ATP9B: variants seen among roughly 807,000 people sequenced by gnomAD.
ATP9B encodes the protein probable phospholipid-transporting ATPase IIB.
A neutral mutation model predicts 146.1 loss-of-function variants in ATP9B; 110 were observed. The ratio of observed to expected loss-of-function variants is 0.75; its 90% CI spans 0.65 to 0.88. ATP9B has a LOEUF of 0.88. Ranked by LOEUF, ATP9B falls within the 40% of genes least tolerant of loss-of-function variation. ATP9B has a pLI of 0.00. For missense variants in ATP9B, 1,499 were observed against 1,496.4 expected (o/e 1.00, Z -0.03); for synonymous variants, 604 against 569.7 (o/e 1.06, Z -0.86).
intron 8 of ATP9B, among the ~76,000 whole-genome samples, chr18:79,181,203 A>C (rs944786459): frequency 2.0e-5 from 3 of 152,142 alleles, no homozygotes. Context: ...CATAGTCCTG[A>C]AAAGATGCTT....
chr18:79,083,562 T>C (rs572982022), intron 1 of ATP9B, among the ~76,000 whole-genome samples: 2 of 152,294 alleles, frequency 1.3e-5, no homozygotes, highest in African/African-American at 2.4e-5. Flanking sequence ...TCTCCTGGTC[T>C]GCGGATTGCG....
intron 12 of ATP9B, among the ~76,000 whole-genome samples, chr18:79,273,869 CT>C (rs1474538614): frequency 2.6e-5 from 4 of 152,172 alleles, no homozygotes; most frequent in Non-Finnish European, 5.9e-5. Context: ...TTTACGAATG[CT>C]TTCTTCCTGT....
chr18:79,233,610 C>T (rs889166429), intron 11 of ATP9B, among the ~76,000 whole-genome samples: 1 of 152,158 alleles, frequency 6.6e-6, no homozygotes, highest in Non-Finnish European at 1.5e-5. Context: ...GCCACCCTCA[C>T]GAGAGGTGGG....
chr18:79,145,330 CAG>C (rs1418732594), intron 6 of ATP9B: 1 of 110,664 alleles, frequency 9.0e-6, no homozygotes, highest in African/African-American at 4.8e-5. Context: ...TGGCGGTGTG[CAG>C]AGTGACTGAA....
intron 7 of ATP9B, among the ~76,000 whole-genome samples, chr18:79,165,813 C>A (rs1373064854): frequency 6.6e-6 from 1 of 152,176 alleles, no homozygotes; most frequent in African/African-American, 2.4e-5. Flanking sequence ...TTTCCCCAGA[C>A]TCATGTTGCC....
intron 6 of ATP9B, among the ~76,000 whole-genome samples, chr18:79,153,625 A>G (rs900865773): frequency 6.6e-6 from 1 of 151,060 alleles, no homozygotes; most frequent in African/African-American, 2.4e-5. Context: ...AGAAATGGCA[A>G]TATTTAACGT....
intron 1 of ATP9B, among the ~76,000 whole-genome samples, chr18:79,079,786 C>A (rs1381276566): frequency 6.6e-6 from 1 of 152,132 alleles, no homozygotes; most frequent in African/African-American, 2.4e-5. Context: ...TTAGGTCTTA[C>A]GTTTACGTCT....
chr18:79,279,084 G>A (rs981046771), intron 13 of ATP9B, among the ~76,000 whole-genome samples: 1 of 152,160 alleles, frequency 6.6e-6, no homozygotes, highest in Non-Finnish European at 1.5e-5. Context: ...GGGGTGGCAC[G>A]GGAAGCCATC....
intron 4 of ATP9B, among the ~76,000 whole-genome samples, chr18:79,118,643 G>T (rs1026161184): frequency 1.3e-5 from 2 of 151,598 alleles, no homozygotes; most frequent in African/African-American, 4.8e-5. Flanking sequence ...CTCGTGATCC[G>T]TCCGCCTCAG....
chr18:79,301,238 T>C (rs964718821), intron 13 of ATP9B, among the ~76,000 whole-genome samples: 2 of 152,222 alleles, frequency 1.3e-5, no homozygotes, highest in Admixed American at 6.5e-5. Context: ...ACACCTGTTA[T>C]CCCAGCACTT....
rs2096320714 is a variant in ATP9B, at chr18:79,277,215, G to A, written c.1411+19G>A. 14 of 1,613,616 alleles carry A rather than the reference G, an allele frequency of 8.7e-6. No individual in the cohort carries two copies. The highest frequency in any genetic ancestry group is 1.2e-5 in the Non-Finnish European group (14 of 1,179,650). ...AAAACAGGTACTGTTCGTGGTCTGTGTTCACCTTTGAATGGACAAAATGAC... is the reference window on the plus strand; with the variant it reads ...AAAACAGGTACTGTTCGTGGTCTGTATTCACCTTTGAATGGACAAAATGAC... On this transcript the variant is annotated intron_variant, in intron 13 of 29. Transcript: ENST00000426216.
intron 7 of ATP9B, among the ~76,000 whole-genome samples, chr18:79,163,438 T>A (rs1350202417): frequency 1.3e-5 from 2 of 152,210 alleles, no homozygotes; most frequent in Non-Finnish European, 2.9e-5. Flanking sequence ...CTTGTTTTTT[T>A]CTTTATGTAA....
At chr18:79,117,587 A>G (rs1371062677) in intron 4 of ATP9B, 1 of 152,174 alleles carries the variant, frequency 6.6e-6, no homozygotes, top group African/African-American at 2.4e-5. Context: ...GTGGGTGGGA[A>G]GAAGTAGTTG....
At chr18:79,256,260 T>TATAC (rs1227308658) in intron 12 of ATP9B, among the ~76,000 whole-genome samples, 1 of 52,472 alleles carries the variant, frequency 1.9e-5, no homozygotes, top group African/African-American at 4.7e-5. Context: ...TAGCTAGCTA[T>TATAC]ATATATATAT....
chr18:79,276,583 G>A (rs563373621), intron 12 of ATP9B, among the ~76,000 whole-genome samples: 1 of 152,304 alleles, frequency 6.6e-6, no homozygotes, highest in East Asian at 1.9e-4. Flanking sequence ...TGTGTGCCCT[G>A]TCCTGTAAGC....
intron 11 of ATP9B, among the ~76,000 whole-genome samples, chr18:79,221,280 G>C (rs2095674294): frequency 6.6e-6 from 1 of 152,064 alleles, no homozygotes; most frequent in Non-Finnish European, 1.5e-5. Context: ...GAGGCTTCAT[G>C]TCCTCCTGCA....
intron 11 of ATP9B, among the ~76,000 whole-genome samples, chr18:79,233,993 T>TGAG (rs1568459293): frequency 2.0e-5 from 3 of 152,126 alleles, no homozygotes; most frequent in African/African-American, 4.8e-5. Context: ...TTGAGTAGGC[T>TGAG]GAGGAGGAGG....
At chr18:79,376,212 C>CACAAAA in intron 29 of ATP9B, 2 of 839,670 alleles carry the variant, frequency 2.4e-6, no homozygotes, top group South Asian at 5.6e-5. Flanking sequence ...CACACACACA[C>CACAAAA]ACAAAACAAA....
intron 25 of ATP9B, among the ~76,000 whole-genome samples, chr18:79,348,747 G>A (rs1308833025): frequency 6.6e-6 from 1 of 152,256 alleles, no homozygotes; most frequent in Non-Finnish European, 1.5e-5. Flanking sequence ...AGGCTGAAGT[G>A]GGCGTGGGTG....
Sources: allele counts gnomAD v4.1 joint callset (sites outside exome capture counted in the v4.1 genomes callset), GRCh38; gene constraint gnomAD v4.1.1; transcripts MANE v1.5; gene names NCBI Gene and HGNC (gene_info 2026-07-23, HGNC 2026-07-21).